The following ANGPT1 variants were observed in gnomAD, a reference collection of about 807,000 sequenced individuals.
ANGPT1 encodes angiopoietin 1.
In ANGPT1, 17 loss-of-function variants were observed where a neutral mutation model predicts 62.2. The observed-to-expected ratio is 0.27, with a 90% CI of 0.19 to 0.41. The LOEUF (loss-of-function observed/expected upper bound fraction) is 0.41. ANGPT1 is among the 10% of genes least tolerant of loss of function. The probability of loss-of-function intolerance (pLI) is 1.00; values close to 1 mark genes in which losing one functional copy is unlikely to be tolerated. For missense variants in ANGPT1, 478 were observed against 594.9 expected (o/e 0.80, Z 2.04); for synonymous variants, 199 against 198.9 (o/e 1.00, Z 0.00).
chr8:107,439,601 T>G (rs1330925695), intron 1 of ANGPT1, among the ~76,000 whole-genome samples: 4 of 152,226 alleles, frequency 2.6e-5, no homozygotes, highest in Admixed American at 2.0e-4. Context: ...AACCAATTCC[T>G]GTTCTAATAT....
chr8:107,357,053 CA>C (rs1271741130), intron 1 of ANGPT1, among the ~76,000 whole-genome samples: 2 of 152,108 alleles, frequency 1.3e-5, no homozygotes, highest in Admixed American at 1.3e-4. Context: ...TACATGTGTC[CA>C]GTTCTACATT....
chr8:107,446,786 T>C (rs1811635042), intron 1 of ANGPT1, among the ~76,000 whole-genome samples: 1 of 152,228 alleles, frequency 6.6e-6, no homozygotes, highest in East Asian at 1.9e-4. Flanking sequence ...AAATATCTTC[T>C]ATATGCTTGA....
intron 1 of ANGPT1, among the ~76,000 whole-genome samples, chr8:107,389,727 C>T (rs1816798337): frequency 6.6e-6 from 1 of 151,964 alleles, no homozygotes; most frequent in Non-Finnish European, 1.5e-5. Flanking sequence ...TCTTTAGAAA[C>T]ATATAAAATA....
chr8:107,407,728 T>A (rs187877903), intron 1 of ANGPT1, among the ~76,000 whole-genome samples: 1 of 152,322 alleles, frequency 6.6e-6, no homozygotes, highest in Admixed American at 6.5e-5. Context: ...TTCCTCTCCC[T>A]CCTACTCCCT....
intron 1 of ANGPT1, among the ~76,000 whole-genome samples, chr8:107,349,142 A>C (rs1815876780): frequency 6.6e-6 from 1 of 151,822 alleles, no homozygotes; most frequent in Non-Finnish European, 1.5e-5. Flanking sequence ...AGATAGATAG[A>C]TAGATAGATA....
intron 4 of ANGPT1, among the ~76,000 whole-genome samples, chr8:107,308,003 T>C (rs1814760939): frequency 6.6e-6 from 1 of 152,196 alleles, no homozygotes; most frequent in African/African-American, 2.4e-5. Flanking sequence ...TGTTAATTTT[T>C]TTCTAATAAG....
rs199579578 is a variant in ANGPT1 at position 107,251,941 on chromosome 8, G to T, written c.1411C>A (p.Leu471Met). The T allele has an allele frequency of 7.3e-5, 118 of 1,613,772 alleles. No individual in the cohort carries two copies. The highest frequency in any genetic ancestry group is 8.6e-5 in the Non-Finnish European group (102 of 1,179,862). Reference sequence around the variant, plus strand: ...AAGTAGTGCCACTTTATCCCATTCAGTTTTCCATGGTTTTGTCCCGCAGTA... The same window carrying T: ...AAGTAGTGCCACTTTATCCCATTCATTTTTCCATGGTTTTGTCCCGCAGTA... Reference protein sequence around the residue: ...FYTAGQNHGKLNGIKWHYFKG... With the variant: ...FYTAGQNHGKMNGIKWHYFKG... The change falls in exon 9 of 9, where the codon CTG becomes ATG. Residue 471 changes from leucine to methionine, a missense_variant. By Grantham distance (15) the Leu-to-Met change is conservative. This residue lies in a region of ANGPT1 where 35 missense variants were observed against 49.6 expected (regional missense o/e 0.71). Coordinates refer to ENST00000517746, the MANE Select transcript of ANGPT1 (RefSeq NM_001146.5).
chr8:107,442,079 G>A (rs761893821), intron 1 of ANGPT1, among the ~76,000 whole-genome samples: 16 of 151,942 alleles, frequency 1.1e-4, no homozygotes, highest in South Asian at 2.1e-4. Flanking sequence ...GTGACACTCC[G>A]TCTCAAAAAA....
chr8:107,376,671 C>T (rs1409340080), intron 1 of ANGPT1, among the ~76,000 whole-genome samples: 1 of 152,042 alleles, frequency 6.6e-6, no homozygotes. Flanking sequence ...CAAACTGTGG[C>T]AGCTATTTAA....
At chr8:107,271,829 T>A (rs1173281245) in intron 7 of ANGPT1, among the ~76,000 whole-genome samples, 1 of 151,334 alleles carries the variant, frequency 6.6e-6, no homozygotes, top group African/African-American at 2.4e-5. Context: ...TTTCTTGCCA[T>A]CATATAATAT....
chr8:107,311,456 A>C (rs1814861732), intron 4 of ANGPT1, among the ~76,000 whole-genome samples: 1 of 152,236 alleles, frequency 6.6e-6, no homozygotes, highest in South Asian at 2.1e-4. Context: ...AAAGGGATAC[A>C]TTTTAATTAT....
chr8:107,453,060 G>A (rs572419765), intron 1 of ANGPT1, among the ~76,000 whole-genome samples: 1 of 152,022 alleles, frequency 6.6e-6, no homozygotes, highest in African/African-American at 2.4e-5. Context: ...TTAAATGATG[G>A]TGCCCAATGC....
At chr8:107,302,176 C>G (rs1814606975) in intron 5 of ANGPT1, among the ~76,000 whole-genome samples, 1 of 151,832 alleles carries the variant, frequency 6.6e-6, no homozygotes, top group African/African-American at 2.4e-5. Context: ...TTTTAGAACT[C>G]TGGTAGTGAG....
chr8:107,325,330 T>C (rs149884582), intron 3 of ANGPT1, among the ~76,000 whole-genome samples: 1 of 152,182 alleles, frequency 6.6e-6, no homozygotes, highest in Non-Finnish European at 1.5e-5. Context: ...CCTGGGGTAA[T>C]GATCAGAGGC....
intron 7 of ANGPT1, among the ~76,000 whole-genome samples, chr8:107,276,063 G>GT (rs1335735895): frequency 6.6e-6 from 1 of 152,130 alleles, no homozygotes; most frequent in Non-Finnish European, 1.5e-5. Context: ...CAAAGTGACT[G>GT]TAAGAATGTG....
chr8:107,332,634 TTCC>T (rs2064155419), intron 3 of ANGPT1, among the ~76,000 whole-genome samples: 1 of 152,176 alleles, frequency 6.6e-6, no homozygotes, highest in Admixed American at 6.5e-5. Flanking sequence ...CCATAAAATA[TTCC>T]TCCTCATTTT....
chr8:107,378,347 A>G (rs1468024828), intron 1 of ANGPT1, among the ~76,000 whole-genome samples: 1 of 152,228 alleles, frequency 6.6e-6, no homozygotes, highest in East Asian at 1.9e-4. Context: ...TAGAAATATT[A>G]CCAACTCTCA....
At chr8:107,486,473 A>G (rs547476672) in intron 1 of ANGPT1, among the ~76,000 whole-genome samples, 2 of 152,254 alleles carry the variant, frequency 1.3e-5, no homozygotes, top group South Asian at 2.1e-4. Context: ...AGTTTTTCCA[A>G]TGGTCTCAAC....
chr8:107,314,308 A>G (rs1814958798), intron 4 of ANGPT1, among the ~76,000 whole-genome samples: 1 of 152,190 alleles, frequency 6.6e-6, no homozygotes, highest in South Asian at 2.1e-4. Flanking sequence ...CTTTTCAGAT[A>G]GTTCATCTTG....
Sources: allele counts gnomAD v4.1 joint callset (sites outside exome capture counted in the v4.1 genomes callset), GRCh38; gene constraint gnomAD v4.1.1; regional missense constraint gnomAD v4.1.1; transcripts MANE v1.5; gene names NCBI Gene and HGNC (gene_info 2026-07-23, HGNC 2026-07-21).